The following RHOT1 variants were observed in gnomAD, a reference collection of about 807,000 sequenced individuals.
RHOT1 encodes the protein ras homolog family member T1.
RHOT1 carries 27 observed loss-of-function variants against 95.3 expected under a neutral mutation model. The ratio of observed to expected loss-of-function variants is 0.28; its 90% CI spans 0.21 to 0.39. The LOEUF is 0.39. RHOT1 is among the 10% of genes least tolerant of loss of function. The pLI, the probability that RHOT1 is intolerant of heterozygous loss-of-function variation, is 1.00. For missense variants in RHOT1, 578 were observed against 786.7 expected, an observed-to-expected ratio of 0.73 and a Z score of 3.17; for synonymous variants, 227 against 263.5, an observed-to-expected ratio of 0.86 and a Z score of 1.34.
chr17:32,206,805 T>C, intron 16 of RHOT1, 105 bp from the exon 17 acceptor site: 1 of 831,134 alleles, frequency 1.2e-6, no homozygotes, highest in Non-Finnish European at 1.8e-6. Context: ...GCTTAACCAG[T>C]ACTTTTAAAC....
intron 6 of RHOT1, among the ~76,000 whole-genome samples, chr17:32,178,203 TC>T (rs35643539): frequency 0.16 from 14,446 of 90,876 alleles, 1,854 homozygotes; most frequent in African/African-American, 0.35. Flanking sequence ...ATAAATGCCC[TC>T]CCCCCCCCCA....
At chr17:32,205,813 TG>T (rs1238475840) in intron 16 of RHOT1, among the ~76,000 whole-genome samples, 1 of 152,176 alleles carries the variant, frequency 6.6e-6, no homozygotes, top group Non-Finnish European at 1.5e-5. Flanking sequence ...CCCAAAGTGC[TG>T]GGATTACAGG....
At chr17:32,144,908 G>A (rs766954150) in intron 1 of RHOT1, among the ~76,000 whole-genome samples, 1 of 151,736 alleles carries the variant, frequency 6.6e-6, no homozygotes, top group South Asian at 2.1e-4. Flanking sequence ...TGAGAGAATT[G>A]CTTGAACCCA....
chr17:32,164,379 G>A (rs914617400), intron 1 of RHOT1, among the ~76,000 whole-genome samples: 12 of 151,568 alleles, frequency 7.9e-5, no homozygotes, highest in African/African-American at 2.4e-4. Flanking sequence ...GACTACAGGC[G>A]TGTGCCACCA....
At chr17:32,178,632 C>T (rs918417699) in intron 6 of RHOT1, among the ~76,000 whole-genome samples, 2 of 151,920 alleles carry the variant, frequency 1.3e-5, no homozygotes, top group Non-Finnish European at 1.5e-5. Context: ...AAGTGAGGAG[C>T]ATCTCTGCCC....
At chr17:32,175,675 C>T (rs2034944011) in intron 4 of RHOT1, among the ~76,000 whole-genome samples, 1 of 152,192 alleles carries the variant, frequency 6.6e-6, no homozygotes, top group African/African-American at 2.4e-5. Flanking sequence ...AGGCTAGTCT[C>T]AAACTCCTGC....
chr17:32,170,935 A>G (rs2034524436), intron 1 of RHOT1, 108 bp from the exon 2 acceptor site: 12 of 622,026 alleles, frequency 1.9e-5, no homozygotes, highest in Admixed American at 6.0e-5. Context: ...AATAATTTGG[A>G]TGCCTTAGAT....
At chr17:32,189,167 C>T (rs545254413) in intron 8 of RHOT1, among the ~76,000 whole-genome samples, 3 of 152,204 alleles carry the variant, frequency 2.0e-5, no homozygotes, top group African/African-American at 4.8e-5. Context: ...GGCGTGGTGG[C>T]GGGCACCTGT....
intron 1 of RHOT1, among the ~76,000 whole-genome samples, chr17:32,149,595 A>G (rs1252339146): frequency 2.4e-5 from 1 of 41,156 alleles, no homozygotes; most frequent in African/African-American, 1.5e-4. Flanking sequence ...GCAGTTCTAT[A>G]TATATATATA....
intron 1 of RHOT1, among the ~76,000 whole-genome samples, chr17:32,150,137 G>A (rs1341462919): frequency 6.6e-6 from 1 of 152,178 alleles, no homozygotes; most frequent in East Asian, 1.9e-4. Flanking sequence ...ATAGGGTTAG[G>A]TAGGGAGGCC....
At chr17:32,194,232 A>G (rs1465998559) in intron 11 of RHOT1, 125 bp downstream of exon 11, 13 of 921,614 alleles carry the variant, frequency 1.4e-5, no homozygotes, top group South Asian at 4.9e-5. Context: ...TGGCCTCCCA[A>G]ATTGCTGTGA....
At chr17:32,156,518 A>G (rs2032981373) in intron 1 of RHOT1, among the ~76,000 whole-genome samples, 1 of 152,140 alleles carries the variant, frequency 6.6e-6, no homozygotes, top group African/African-American at 2.4e-5. Context: ...TGATCCCCTC[A>G]CCTCAGCCTC....
At chr17:32,175,846 T>G (rs1326045894) in intron 4 of RHOT1, 116 bp from the exon 5 acceptor site, 1 of 631,544 alleles carries the variant, frequency 1.6e-6, no homozygotes. Flanking sequence ...GTTTTTTTGT[T>G]TTAGCTGTTA....
In RHOT1 at chr17:32,151,230, G is replaced by T; in HGVS notation, c.37+8501G>T. 3 of 736,404 alleles carry T rather than the reference G, an allele frequency of 4.1e-6. No individual in the cohort carries two copies. In the East Asian group the frequency reaches 8.1e-5, roughly 20 times the overall value. The allele number at this position is 736,404 out of a possible 1,614,324, so 45.6% of individuals were successfully genotyped here. On this transcript the variant is annotated intron_variant, in intron 1 of 19. Transcript: ENST00000545287. ...ATGGTCTGGCTAAACAGAGCTTCTA[G>T]TTCTTTATACTGTTGGCGGGTGAAT...
At chr17:32,200,645 A>G (rs1208475739) in intron 13 of RHOT1, among the ~76,000 whole-genome samples, 1 of 152,100 alleles carries the variant, frequency 6.6e-6, no homozygotes. Context: ...TTGGGGGCAC[A>G]TGCCTGTAGT....
chr17:32,153,782 G>A (rs1567654386), intron 1 of RHOT1, among the ~76,000 whole-genome samples: 2 of 152,210 alleles, frequency 1.3e-5, no homozygotes, highest in Non-Finnish European at 2.9e-5. Context: ...TCTCTACTGG[G>A]AATAGTCAGG....
At chr17:32,180,697 CAA>C (rs34530711) in intron 6 of RHOT1, among the ~76,000 whole-genome samples, 5,208 of 77,608 alleles carry the variant, frequency 0.067, 267 homozygotes, top group African/African-American at 0.2. Context: ...TGTTTTAAGC[CAA>C]AAAAAAAAAA....
chr17:32,204,191 C>T (rs1440882840), intron 16 of RHOT1, among the ~76,000 whole-genome samples: 1 of 152,056 alleles, frequency 6.6e-6, no homozygotes, highest in Non-Finnish European at 1.5e-5. Context: ...GGAGCTGGGA[C>T]TGCAGGCATG....
intron 19 of RHOT1, among the ~76,000 whole-genome samples, chr17:32,224,219 G>A (rs541210393): frequency 5.3e-5 from 8 of 152,254 alleles, no homozygotes; most frequent in Admixed American, 3.3e-4. Context: ...CTGGGGATAG[G>A]AGATTGCACA....
Sources: gnomAD v4.1 joint callset for allele counts (sites outside exome capture counted in the v4.1 genomes callset) on GRCh38, gnomAD v4.1.1 for gene constraint, MANE v1.5 for transcripts, NCBI Gene and HGNC (gene_info 2026-07-23, HGNC 2026-07-21) for gene names.